The following AK4 variants were observed in gnomAD, a reference collection of about 807,000 sequenced individuals.
AK4 encodes the protein adenylate kinase 4, mitochondrial.
AK4 carries 13 observed loss-of-function variants against 24.6 expected under a neutral mutation model. That is an observed-to-expected ratio of 0.53 (90% CI 0.34 to 0.84). The LOEUF (loss-of-function observed/expected upper bound fraction) is 0.84. Among genes scored for constraint, AK4 ranks in the 40% least tolerant of loss-of-function variants. The pLI is 0.01. For synonymous variants in AK4, 88 were observed against 107.0 expected (o/e 0.82, Z 1.10); for missense variants, 192 against 288.2 (o/e 0.67, Z 2.42).
intron 1 of AK4, among the ~76,000 whole-genome samples, chr1:65,154,887 G>A (rs1320226093): frequency 6.7e-6 from 1 of 148,310 alleles, no homozygotes; most frequent in Non-Finnish European, 1.5e-5. Context: ...TCTTGCTCTT[G>A]TCATCCAGGC....
intron 4 of AK4, among the ~76,000 whole-genome samples, chr1:65,225,452 T>G (rs146225127): frequency 1.3e-5 from 2 of 152,282 alleles, no homozygotes; most frequent in Non-Finnish European, 2.9e-5. Flanking sequence ...GGCCAATGAT[T>G]CCCATTTTTC....
chr1:65,180,181 C>G (rs1310258406), intron 1 of AK4, among the ~76,000 whole-genome samples: 1 of 152,122 alleles, frequency 6.6e-6, no homozygotes, highest in African/African-American at 2.4e-5. Flanking sequence ...GGTGCTGGGG[C>G]TCATGTCTGT....
At chr1:65,205,330 A>G (rs961359704) in intron 2 of AK4, among the ~76,000 whole-genome samples, 34 of 152,072 alleles carry the variant, frequency 2.2e-4, no homozygotes, top group Admixed American at 5.9e-4. Flanking sequence ...TGCACTCTCA[A>G]ACTCCTGGAT....
intron 1 of AK4, among the ~76,000 whole-genome samples, chr1:65,177,502 C>G (rs1341986612): frequency 6.6e-6 from 1 of 152,132 alleles, no homozygotes; most frequent in Non-Finnish European, 1.5e-5. Context: ...TTGGTGAAGC[C>G]TTGTACAACC....
intron 1 of AK4, among the ~76,000 whole-genome samples, chr1:65,149,467 T>A (rs1570050564): frequency 6.6e-6 from 1 of 152,208 alleles, no homozygotes. Context: ...CTCTTAACCC[T>A]TCTGGGATGG....
chr1:65,195,957 T>G (rs1651455755), intron 2 of AK4, among the ~76,000 whole-genome samples: 1 of 152,222 alleles, frequency 6.6e-6, no homozygotes, highest in South Asian at 2.1e-4. Flanking sequence ...ACTGAAGTTC[T>G]TTGACATCAT....
intron 2 of AK4, among the ~76,000 whole-genome samples, chr1:65,206,276 G>T (rs1008646395): frequency 6.6e-5 from 10 of 152,194 alleles, no homozygotes; most frequent in African/African-American, 2.4e-4. Flanking sequence ...TCCAGTTGCA[G>T]ACAGGTCATG....
intron 1 of AK4, among the ~76,000 whole-genome samples, chr1:65,174,529 A>G (rs771825865): frequency 1.3e-5 from 2 of 152,168 alleles, no homozygotes; most frequent in African/African-American, 2.4e-5. Flanking sequence ...TAATTTAAAA[A>G]ATACTGTTGG....
At chr1:65,215,515 C>T (rs1399733767) in intron 2 of AK4, among the ~76,000 whole-genome samples, 1 of 152,146 alleles carries the variant, frequency 6.6e-6, no homozygotes, top group Non-Finnish European at 1.5e-5. Context: ...TTGATGTGCT[C>T]ATCAAATGGA....
intron 2 of AK4, among the ~76,000 whole-genome samples, chr1:65,212,663 AC>A (rs1652006556): frequency 6.6e-6 from 1 of 151,482 alleles, no homozygotes; most frequent in South Asian, 2.1e-4. Context: ...TAATTTTTGT[AC>A]TTTTTGTAGA....
At chr1:65,169,827 C>T (rs1439013854) in intron 1 of AK4, among the ~76,000 whole-genome samples, 1 of 151,846 alleles carries the variant, frequency 6.6e-6, no homozygotes, top group African/African-American at 2.4e-5. Flanking sequence ...ATTTTTTGGG[C>T]ATGTTTAAAA....
intron 1 of AK4, among the ~76,000 whole-genome samples, chr1:65,181,789 G>T (rs1028258353): frequency 3.3e-5 from 5 of 152,212 alleles, no homozygotes; most frequent in African/African-American, 9.6e-5. Flanking sequence ...GTTGTCATCT[G>T]TTTGATGTCA....
chr1:65,158,928 A>C (rs1307725388), intron 1 of AK4, among the ~76,000 whole-genome samples: 1 of 152,170 alleles, frequency 6.6e-6, no homozygotes, highest in African/African-American at 2.4e-5. Context: ...CATAGTACAA[A>C]AGGTCTTGTT....
intron 1 of AK4, among the ~76,000 whole-genome samples, chr1:65,173,278 T>C (rs1419633285): frequency 6.6e-6 from 1 of 152,180 alleles, no homozygotes; most frequent in African/African-American, 2.4e-5. Flanking sequence ...GTGGGGGATA[T>C]TAGTGACCCT....
chr1:65,213,397 G>T (rs1245201757), intron 2 of AK4, among the ~76,000 whole-genome samples: 2 of 152,158 alleles, frequency 1.3e-5, no homozygotes, highest in Admixed American at 1.3e-4. Context: ...GTTCTGTGCT[G>T]TGCTGGGGTT....
intron 4 of AK4, 82 bp from the exon 5 acceptor site, chr1:65,225,981 T>C: frequency 6.9e-7 from 1 of 1,439,610 alleles, no homozygotes. Context: ...GAGATCATGC[T>C]TGTTTTATAT....
chr1:65,230,623 C>T lies in AK4; in HGVS notation c.*4446C>T, dbSNP rs1177803929. ...ATGGAAATAATCCTGTTTATTTAAA[C>T]GGGTTTTCATGTACCTGTAGGGATT... On this transcript the variant is annotated 3_prime_UTR_variant, in exon 5 of 5. Transcript: ENST00000327299. 5.9e-5 allele frequency: 9 copies of T among 152,182 alleles called. No individual in the cohort carries two copies. The South Asian group carries it at 8.3e-4, about 14-fold the overall frequency. 9.4% of individuals were successfully genotyped at this position (152,182 alleles called of 1,614,324 possible). A position where few individuals can be genotyped will look rare whatever the true frequency, so the allele number is the denominator to read the frequency against.
chr1:65,159,211 T>A (rs1650074577), intron 1 of AK4, among the ~76,000 whole-genome samples: 1 of 152,248 alleles, frequency 6.6e-6, no homozygotes, highest in African/African-American at 2.4e-5. Flanking sequence ...TCTTGTGACT[T>A]GGTCATAACC....
intron 2 of AK4, among the ~76,000 whole-genome samples, chr1:65,191,546 GT>G (rs36049245): frequency 1.9e-4 from 28 of 145,862 alleles, no homozygotes; most frequent in Middle Eastern, 3.6e-3. Flanking sequence ...GGGAAGGTAG[GT>G]TTTTTTTTTT....
Sources: allele counts gnomAD v4.1 joint callset (sites outside exome capture counted in the v4.1 genomes callset), GRCh38; gene constraint gnomAD v4.1.1; transcripts MANE v1.5; gene names NCBI Gene and HGNC (gene_info 2026-07-23, HGNC 2026-07-21).